The following PPM1B variants were observed in gnomAD, a reference collection of about 807,000 sequenced individuals.
The protein encoded by PPM1B is protein phosphatase, Mg2+/Mn2+ dependent 1B.
In PPM1B, 22 loss-of-function variants were observed where a neutral mutation model predicts 43.0. The ratio of observed to expected loss-of-function variants is 0.51; its 90% CI spans 0.37 to 0.73. PPM1B has a LOEUF of 0.73. PPM1B is among the 30% of genes least tolerant of loss of function. The pLI is 0.00. For missense variants in PPM1B, 632 were observed against 584.2 expected (o/e 1.08, Z -0.84); for synonymous variants, 217 against 197.9 (o/e 1.10, Z -0.81).
At chr2:44,242,225 TATAAAAGAATGGTAC>T (rs1670765686) in intron 5 of PPM1B, among the ~76,000 whole-genome samples, 1 of 152,108 alleles carries the variant, frequency 6.6e-6, no homozygotes, top group South Asian at 2.1e-4. Context: ...TTTCTTAACA[TATAAAAGAATGGTAC>T]GTAAAATAAT....
rs371625812 is a variant in PPM1B, at chr2:44,216,705, A to G, written c.965-1262A>G. Among the ~76,000 whole-genome samples the G allele has an allele frequency of 4.6e-5, 7 of 152,190 alleles. No individual in the cohort carries two copies. In the South Asian group the frequency reaches 1.4e-3, roughly 31 times the overall value. On this transcript the variant is annotated intron_variant, in intron 3 of 5. Transcript: ENST00000282412. The stretch of plus-strand genomic sequence containing the variant: ...CATTTTGAGAGGCTGAGGTGGGTGG[A>G]TCACGAGGTCAGGAATTCAAGACCA...
chr2:44,205,701 C>T (rs903090326), intron 2 of PPM1B, among the ~76,000 whole-genome samples: 8 of 151,804 alleles, frequency 5.3e-5, no homozygotes, highest in Admixed American at 1.3e-4. Context: ...TTATAAAAGT[C>T]GGTATTCTTT....
At chr2:44,210,001 G>T (rs1406100799) in intron 3 of PPM1B, among the ~76,000 whole-genome samples, 1 of 151,914 alleles carries the variant, frequency 6.6e-6, no homozygotes, top group Non-Finnish European at 1.5e-5. Flanking sequence ...CTTTCCCTGC[G>T]TACATTCCTA....
chr2:44,190,544 G>A (rs1370156470), intron 1 of PPM1B, among the ~76,000 whole-genome samples: 1 of 151,802 alleles, frequency 6.6e-6, no homozygotes, highest in Non-Finnish European at 1.5e-5. Flanking sequence ...TCTCCCCTTT[G>A]CTTGTTCTTA....
intron 3 of PPM1B, among the ~76,000 whole-genome samples, chr2:44,211,549 CTTAA>C (rs776482711): frequency 1.3e-4 from 19 of 151,766 alleles, no homozygotes; most frequent in African/African-American, 2.9e-4. Context: ...TTTCAGGTTA[CTTAA>C]TTAATAATTA....
chr2:44,188,393 C>CTTTTTTTTT (rs67959948), intron 1 of PPM1B, among the ~76,000 whole-genome samples: 7 of 92,312 alleles, frequency 7.6e-5, no homozygotes, highest in East Asian at 3.2e-4. Flanking sequence ...TTCTTTCTTT[C>CTTTTTTTTT]TTTTTTTTTT....
At chr2:44,188,945 T>C (rs1344753844) in intron 1 of PPM1B, among the ~76,000 whole-genome samples, 1 of 152,012 alleles carries the variant, frequency 6.6e-6, no homozygotes, top group African/African-American at 2.4e-5. Flanking sequence ...CCCCAAGCAC[T>C]TCAGCCTTGA....
intron 3 of PPM1B, among the ~76,000 whole-genome samples, chr2:44,215,507 G>A (rs1669679191): frequency 6.6e-6 from 1 of 152,086 alleles, no homozygotes; most frequent in Non-Finnish European, 1.5e-5. Flanking sequence ...TGTTCTTCAG[G>A]AGCATTATGT....
chr2:44,240,104 C>A (rs1670714423), intron 5 of PPM1B, among the ~76,000 whole-genome samples: 1 of 145,282 alleles, frequency 6.9e-6, no homozygotes, highest in African/African-American at 2.5e-5. Flanking sequence ...AACTCCTGTC[C>A]TCAAGCAATC....
Position 44,201,986 on chromosome 2 carries a change from G to C in PPM1B, c.787G>C (p.Glu263Gln), listed in dbSNP as rs149028855. ...ELCEYVKSRL[E>Q]VSDDLENVCN... ...CTGTGAATATGTTAAATCTAGGCTT[G>C]AGGTATCTGATGACCTGGAAAATGT... The change falls in exon 2 of 6, where the codon GAG becomes CAG. Residue 263 changes from glutamate to glutamine, a missense_variant. Glu to Gln is a conservative substitution (Grantham distance 29). Transcript: ENST00000282412. This position sits in a 1 kb window ranked among gnomAD's most constrained non-coding sequence, Gnocchi z 5.4. 9.9e-6 allele frequency: 16 copies of C among 1,612,884 alleles called. No homozygotes were observed. Among genetic ancestry groups the C allele is most frequent in the Non-Finnish European group, 1.4e-5 (16 of 1,179,382 alleles).
chr2:44,203,063 G>T (rs372545804), intron 2 of PPM1B, among the ~76,000 whole-genome samples: 1 of 152,182 alleles, frequency 6.6e-6, no homozygotes, highest in Non-Finnish European at 1.5e-5. Flanking sequence ...ACTGTGGAAG[G>T]TATGGGCATA....
chr2:44,171,967 A>AT (rs1176577394), intron 1 of PPM1B, among the ~76,000 whole-genome samples: 2 of 152,234 alleles, frequency 1.3e-5, no homozygotes, highest in Admixed American at 1.3e-4. Flanking sequence ...AAAATGCAAC[A>AT]TACAGTATTT....
intron 1 of PPM1B, among the ~76,000 whole-genome samples, chr2:44,191,912 T>C (rs1558400061): frequency 6.6e-6 from 1 of 152,140 alleles, no homozygotes; most frequent in Non-Finnish European, 1.5e-5. Flanking sequence ...TCTGTATGTG[T>C]GTGTGGTTGG....
At chr2:44,222,386 A>T (rs1264699808) in intron 5 of PPM1B, among the ~76,000 whole-genome samples, 1 of 152,208 alleles carries the variant, frequency 6.6e-6, no homozygotes, top group Non-Finnish European at 1.5e-5. Context: ...GAAAGTCTGT[A>T]TTTATAGAGT....
intron 1 of PPM1B, among the ~76,000 whole-genome samples, chr2:44,169,486 C>T (rs1667213790): frequency 6.6e-6 from 1 of 152,370 alleles, no homozygotes; most frequent in African/African-American, 2.4e-5. Flanking sequence ...CGGCCGCCGC[C>T]TCCGCTGGGC....
intron 3 of PPM1B, among the ~76,000 whole-genome samples, chr2:44,211,948 C>CA (rs1480233734): frequency 6.6e-6 from 1 of 152,064 alleles, no homozygotes; most frequent in African/African-American, 2.4e-5. Context: ...GGGGTTTCTC[C>CA]ATGTTGGTCA....
At chr2:44,195,344 C>T (rs556179407) in intron 1 of PPM1B, among the ~76,000 whole-genome samples, 1 of 152,270 alleles carries the variant, frequency 6.6e-6, no homozygotes, top group East Asian at 1.9e-4. Context: ...GCTGGTGCTG[C>T]AGGCATACGC....
Position 44,205,536 on chromosome 2 carries a change from ACTG to A in PPM1B, c.846+3494_846+3496del, listed in dbSNP as rs1669150571. Among the ~76,000 whole-genome samples the A allele has an allele frequency of 2.0e-5, 3 of 152,154 alleles. No homozygotes were observed. The South Asian group carries it at 6.2e-4, about 32-fold the overall frequency. ...CCAGTCTCATCTCACTTAGGGAACC[ACTG>A]CTCATGGTTTGCTGTATATCTTTCC... On this transcript the variant is annotated intron_variant, in intron 2 of 5. Coordinates refer to ENST00000282412, the MANE Select transcript of PPM1B (RefSeq NM_002706.6).
intron 3 of PPM1B, among the ~76,000 whole-genome samples, chr2:44,212,628 A>AT (rs932220267): frequency 1.1e-3 from 166 of 151,084 alleles, no homozygotes; most frequent in African/African-American, 3.6e-3. Flanking sequence ...TGTTTCATCT[A>AT]TTTTTTTTTA....
Sources: allele counts gnomAD v4.1 joint callset (sites outside exome capture counted in the v4.1 genomes callset), GRCh38; gene constraint gnomAD v4.1.1; non-coding constraint Gnocchi (gnomAD v3.1); transcripts MANE v1.5; gene names NCBI Gene and HGNC (gene_info 2026-07-23, HGNC 2026-07-21).